CNGB1: variants seen among roughly 807,000 people sequenced by gnomAD.
CNGB1 encodes cyclic nucleotide gated channel subunit beta 1, also known as cyclic nucleotide-gated channel beta-1.
Under a neutral mutation model 151.7 loss-of-function variants are expected in CNGB1, and 126 were observed. That is an observed-to-expected ratio of 0.83 (90% confidence interval 0.72 to 0.96). The LOEUF is 0.96. CNGB1 is among the 40% of genes least tolerant of loss of function. CNGB1 has a pLI of 0.00. For missense variants in CNGB1, 1,698 were observed against 1,627.0 expected, an observed-to-expected ratio of 1.04 and a Z score of -0.75; for synonymous variants, 623 against 635.1, an observed-to-expected ratio of 0.98 and a Z score of 0.29.
chr16:57,891,399 T>C (rs1342846263), intron 31 of CNGB1, among the ~76,000 whole-genome samples: 1 of 152,022 alleles, frequency 6.6e-6, no homozygotes, highest in Non-Finnish European at 1.5e-5. Flanking sequence ...CCCAGAACAC[T>C]GGGAGGCCAA....
chr16:57,970,368 G>A (rs1198337189), intron 1 of CNGB1, among the ~76,000 whole-genome samples: 2 of 151,978 alleles, frequency 1.3e-5, no homozygotes, highest in East Asian at 1.9e-4. Context: ...TCACCACCAC[G>A]CCCCGCCCAG....
chr16:57,969,586 G>T (rs1237549066), intron 1 of CNGB1, among the ~76,000 whole-genome samples: 1 of 152,190 alleles, frequency 6.6e-6, no homozygotes, highest in South Asian at 2.1e-4. Context: ...CAGCCTGGTC[G>T]ACAGAGTAAG....
intron 14 of CNGB1, chr16:57,946,606 A>C (rs1160583469): frequency 6.6e-6 from 1 of 152,246 alleles, no homozygotes; most frequent in Non-Finnish European, 1.5e-5. Context: ...GCCAGGTGGA[A>C]CCAAAAGGCC....
In CNGB1 at chr16:57,884,379, T is replaced by G. The variant is rs1400424812; in HGVS notation, c.3541A>C (p.Thr1181Pro). The G allele has an allele frequency of 6.2e-7, 1 of 1,612,050 alleles. No homozygotes were observed. Among genetic ancestry groups the G allele is most frequent in the African/African-American group, 1.3e-5 (1 of 74,862 alleles). The change falls in exon 33 of 33, where the codon ACC becomes CCC. Residue 1181 changes from threonine (T) to proline (P), a missense_variant. Thr to Pro is a conservative substitution (Grantham distance 38, BLOSUM62 -1). Transcript: ENST00000251102. ...DQHTHPKEAA[T>P]DPPAPRTPPE... ...GGCGTCCGGGGCGCGGGTGGGTCGG[T>G]GGCGGCCTCCTTTGGGTGCGTGTGC...
rs879687945 is a variant in CNGB1 at position 57,947,431 on chromosome 16, G to A, written c.1121+1922C>T. On this transcript the variant is annotated intron_variant, in intron 14 of 32. Transcript: ENST00000251102. ...GCTGCTCTAATGAAACCAGGCAGCA[G>A]CTAAGTTCCTCATCTTGCTGGGACT... Among the ~76,000 whole-genome samples the A allele has an allele frequency of 1.2e-4, 18 of 152,354 alleles. No individual in the cohort carries two copies. The Middle Eastern group carries it at 0.01, about 86-fold the overall frequency.
At chr16:57,900,507 C>T (rs1318831293) in intron 29 of CNGB1, among the ~76,000 whole-genome samples, 2 of 152,208 alleles carry the variant, frequency 1.3e-5, no homozygotes, top group African/African-American at 2.4e-5. Context: ...CCGTCACTCA[C>T]CAAGTGACCT....
At chr16:57,905,005 G>A (rs1960507291) in intron 25 of CNGB1, 130 bp from the exon 26 acceptor site, 1 of 1,214,050 alleles carries the variant, frequency 8.2e-7, no homozygotes, top group Non-Finnish European at 1.2e-6. Flanking sequence ...GCTCATCTAT[G>A]CAAGGAAAAC....
Position 57,906,449 on chromosome 16 carries a change from T to C in CNGB1, c.2493-1574A>G, listed in dbSNP as rs148557858. On this transcript the variant is annotated intron_variant, in intron 25 of 32. Transcript: ENST00000251102. ...GAGGGGACAGGCAGGTGACGTGCAA[T>C]GCGTGCAGGAAGGAGGAAGCAGAGG... is the stretch of plus-strand genomic sequence containing the variant. Among the ~76,000 whole-genome samples, 1,133 of 152,230 alleles carry C rather than the reference T, an allele frequency of 7.4e-3. 18 individuals are homozygous for C. Among genetic ancestry groups the C allele is most frequent in the African/African-American group, 0.026 (1,080 of 41,564 alleles).
At chr16:57,963,879 G>A in intron 4 of CNGB1, 1 of 572,624 alleles carries the variant, frequency 1.7e-6, no homozygotes, top group Non-Finnish European at 3.1e-6. Context: ...TGAATAGGGT[G>A]AATGGAGATG....
At chr16:57,923,811 C>T (rs1961113347) in intron 17 of CNGB1, among the ~76,000 whole-genome samples, 1 of 152,086 alleles carries the variant, frequency 6.6e-6, no homozygotes, top group Admixed American at 6.5e-5. Context: ...CTAAAGTCAC[C>T]CACCTCATTC....
chr16:57,932,773 G>C (rs1961392962), intron 16 of CNGB1, among the ~76,000 whole-genome samples: 1 of 152,120 alleles, frequency 6.6e-6, no homozygotes, highest in African/African-American at 2.4e-5. Context: ...GTAGAGACCG[G>C]GTTTCACCGT....
chr16:57,903,111 G>T (rs896482400), intron 27 of CNGB1, among the ~76,000 whole-genome samples: 1 of 151,720 alleles, frequency 6.6e-6, no homozygotes, highest in African/African-American at 2.4e-5. Context: ...GAGAGAAAGC[G>T]AGGAGAGAGG....
chr16:57,923,226 C>A (rs763721825), intron 18 of CNGB1, 47 bp downstream of exon 18: 4 of 1,333,604 alleles, frequency 3.0e-6, no homozygotes, highest in African/African-American at 1.5e-5. Context: ...ACATCCCCCA[C>A]CCTCCCCGCA....
At chr16:57,961,351 G>A (rs1962251435) in intron 7 of CNGB1, among the ~76,000 whole-genome samples, 1 of 152,192 alleles carries the variant, frequency 6.6e-6, no homozygotes, top group African/African-American at 2.4e-5. Flanking sequence ...ACTTTTAAGG[G>A]GCCTGCATTT....
At chr16:57,886,259 T>C (rs1431583491) in intron 32 of CNGB1, among the ~76,000 whole-genome samples, 1 of 152,168 alleles carries the variant, frequency 6.6e-6, no homozygotes, top group African/African-American at 2.4e-5. Flanking sequence ...TGCCTTTTAA[T>C]GGAACACTCA....
intron 14 of CNGB1, among the ~76,000 whole-genome samples, chr16:57,942,277 G>T (rs1961688454): frequency 6.6e-6 from 1 of 152,020 alleles, no homozygotes; most frequent in Non-Finnish European, 1.5e-5. Context: ...TGGAAGGGAA[G>T]AAATTAAATT....
intron 17 of CNGB1, among the ~76,000 whole-genome samples, chr16:57,928,740 C>T (rs1034591381): frequency 1.3e-5 from 2 of 152,146 alleles, no homozygotes; most frequent in African/African-American, 2.4e-5. Flanking sequence ...CAGGTTCAAA[C>T]GATTCTCCTG....
chr16:57,959,774 G>A, intron 10 of CNGB1, 114 bp downstream of exon 10: 1 of 1,320,282 alleles, frequency 7.6e-7, no homozygotes, highest in Non-Finnish European at 1.0e-6. Context: ...TGGGAAGGAG[G>A]CTGCACACAT....
At chr16:57,955,017 G>T in intron 12 of CNGB1, 1 of 1,174,214 alleles carries the variant, frequency 8.5e-7, no homozygotes, top group Non-Finnish European at 1.1e-6. Context: ...CCAAAGTGCT[G>T]GGATTACAGG....
Sources: allele counts gnomAD v4.1 joint callset (sites outside exome capture counted in the v4.1 genomes callset), GRCh38; gene constraint gnomAD v4.1.1; transcripts MANE v1.5; gene names NCBI Gene and HGNC (gene_info 2026-07-23, HGNC 2026-07-21).